Variants in CBLC observed in about 807,000 individuals in gnomAD.
CBLC encodes the protein E3 ubiquitin-protein ligase CBL-C.
CBLC carries 46 observed loss-of-function variants against 58.6 expected under a neutral mutation model. That is an observed-to-expected ratio of 0.79 (90% CI 0.62 to 1.00). CBLC has a LOEUF of 1.00. Ranked by LOEUF, CBLC falls within the 50% of genes least tolerant of loss-of-function variation. The pLI, the probability that CBLC is intolerant of heterozygous loss-of-function variation, is 0.00. For synonymous variants in CBLC, 271 were observed against 264.2 expected, an observed-to-expected ratio of 1.03 and a Z score of -0.25; for missense variants, 655 against 625.8, an observed-to-expected ratio of 1.05 and a Z score of -0.50.
At chr19:44,782,760 C>A (rs1363851754) in intron 4 of CBLC, among the ~76,000 whole-genome samples, 1 of 152,278 alleles carries the variant, frequency 6.6e-6, no homozygotes, top group Non-Finnish European at 1.5e-5. Context: ...AGGGTAAGGT[C>A]CGTTTCTGGT....
At chr19:44,792,585 T>A in intron 7 of CBLC, 71 bp downstream of exon 7, 1 of 1,416,254 alleles carries the variant, frequency 7.1e-7, no homozygotes, top group Non-Finnish European at 9.3e-7. Context: ...CAAAAGGATC[T>A]CCATGCCTCA....
rs771809408 is a variant in CBLC at position 44,794,497 on chromosome 19, TTC to T, written c.1362+218_1362+219del. ...TTTTTTTTTTTGAGACGGAATCTTG[TTC>T]TGTCGCTCAGGCTGGAGTGCAGTGG... On this transcript the variant is annotated intron_variant, in intron 9 of 10. Transcript: ENST00000647358. 7.5e-4 allele frequency among the ~76,000 whole-genome samples: 111 copies of T among 147,806 alleles called. 1 individual carries two copies. The highest frequency in any genetic ancestry group is 1.1e-3 in the Non-Finnish European group (74 of 66,844).
intron 7 of CBLC, 36 bp from the exon 8 acceptor site, chr19:44,793,438 G>T: frequency 6.4e-7 from 1 of 1,566,846 alleles, no homozygotes. Flanking sequence ...TGGAGAGCAG[G>T]GGAGCACTGA....
At chr19:44,789,343 T>C (rs1967988248) in intron 5 of CBLC, among the ~76,000 whole-genome samples, 1 of 152,132 alleles carries the variant, frequency 6.6e-6, no homozygotes, top group African/African-American at 2.4e-5. Flanking sequence ...TCTGTGACAC[T>C]AAAATCTGTT....
intron 5 of CBLC, among the ~76,000 whole-genome samples, chr19:44,787,276 C>T (rs1180396342): frequency 1.3e-5 from 2 of 151,356 alleles, no homozygotes; most frequent in Non-Finnish European, 2.9e-5. Flanking sequence ...CGTCTGTAGT[C>T]CCAGCTACTC....
rs374104325 is a variant in CBLC at position 44,793,459 on chromosome 19, C to G, written c.1138-15C>G. The stretch of plus-strand genomic sequence containing the variant: ...GCAGGGGAGCACTGACCCTTTCCCT[C>G]CCGACCTCCCCCAGCACTCGGACAG... On this transcript the variant is annotated splice_polypyrimidine_tract_variant and intron_variant, in intron 7 of 10. Coordinates refer to ENST00000647358, the MANE Select transcript of CBLC (RefSeq NM_012116.4). 49 of 1,595,058 alleles carry G rather than the reference C, an allele frequency of 3.1e-5. No homozygotes were observed. The highest frequency in any genetic ancestry group is 6.8e-6 in the Non-Finnish European group (8 of 1,172,402).
intron 8 of CBLC, 196 bp from the exon 9 acceptor site, chr19:44,794,008 T>C: frequency 2.2e-6 from 1 of 451,404 alleles, no homozygotes; most frequent in Non-Finnish European, 2.9e-6. Flanking sequence ...AGGGAACTGG[T>C]CTTTTGCTTC....
At chr19:44,791,314 A>T (rs1471532304) in intron 6 of CBLC, among the ~76,000 whole-genome samples, 1 of 151,750 alleles carries the variant, frequency 6.6e-6, no homozygotes, top group East Asian at 1.9e-4. Flanking sequence ...CCGCAAAAAA[A>T]AAAAAAAAGA....
chr19:44,799,420 C>T (rs1968241732), intron 9 of CBLC, among the ~76,000 whole-genome samples: 1 of 152,182 alleles, frequency 6.6e-6, no homozygotes, highest in South Asian at 2.1e-4. Flanking sequence ...GCAATCCCCA[C>T]CTCCTGGGTT....
At position 44,791,640 on chromosome 19, in the gene CBLC, C is replaced by G. The variant is rs1393108029; in HGVS notation, c.1006-743C>G. ...CCCAGCTACTCAGGAGGCTGAGGCA[C>G]AAGAATCGCTTGAACCTGGAGGCAA... is the stretch of plus-strand genomic sequence containing the variant. On this transcript the variant is annotated intron_variant, in intron 6 of 10. Coordinates refer to ENST00000647358, the MANE Select transcript of CBLC (RefSeq NM_012116.4). Among the ~76,000 whole-genome samples, 3 of 148,516 alleles carry G rather than the reference C, an allele frequency of 2.0e-5. No individual in the cohort carries two copies. In the Admixed American group the frequency reaches 2.1e-4, roughly 10 times the overall value.
At chr19:44,785,614 T>A (rs1967883489) in intron 5 of CBLC, among the ~76,000 whole-genome samples, 1 of 151,958 alleles carries the variant, frequency 6.6e-6, no homozygotes, top group African/African-American at 2.4e-5. Flanking sequence ...TTGCAATAAT[T>A]ATTATTAATT....
rs1402301993 is a variant in CBLC at position 44,794,074 on chromosome 19, G to A, written c.1285-130G>A. 8 of 1,450,590 alleles carry A rather than the reference G, an allele frequency of 5.5e-6. No individual in the cohort carries two copies. In the East Asian group the frequency reaches 1.3e-4, roughly 23 times the overall value. 89.9% of individuals were successfully genotyped at this position (1,450,590 alleles called of 1,614,324 possible). On this transcript the variant is annotated intron_variant, in intron 8 of 10. Transcript: ENST00000647358. ...CTGTAACCCTCCTAAGTGTTCATAC[G>A]TTGTCTTGGTCTCTGTTATATCTTG... is the stretch of plus-strand genomic sequence containing the variant.
At chr19:44,786,433 C>T (rs1414101572) in intron 5 of CBLC, among the ~76,000 whole-genome samples, 2 of 150,566 alleles carry the variant, frequency 1.3e-5, no homozygotes, top group Admixed American at 1.3e-4. Context: ...CTACTAAAAA[C>T]ACACAAAAAA....
intron 8 of CBLC, 130 bp downstream of exon 8, chr19:44,793,750 G>A: frequency 1.1e-6 from 1 of 873,436 alleles, no homozygotes; most frequent in Non-Finnish European, 1.7e-6. Flanking sequence ...AGGGAAGAGG[G>A]GTTGGAGCCT....
intron 9 of CBLC, among the ~76,000 whole-genome samples, chr19:44,795,762 T>C (rs1218281008): frequency 6.6e-6 from 1 of 152,136 alleles, no homozygotes; most frequent in Non-Finnish European, 1.5e-5. Context: ...CACTGTCAGG[T>C]TGCAACCTTC....
At chr19:44,786,827 G>C (rs369765779) in intron 5 of CBLC, among the ~76,000 whole-genome samples, 1 of 152,074 alleles carries the variant, frequency 6.6e-6, no homozygotes, top group Non-Finnish European at 1.5e-5. Flanking sequence ...ATCAGAGGCC[G>C]GGCATGGTGG....
chr19:44,799,673 A>G (rs566375918), intron 9 of CBLC, among the ~76,000 whole-genome samples: 234 of 150,224 alleles, frequency 1.6e-3, no homozygotes, highest in African/African-American at 5.4e-3. Flanking sequence ...GTTGTTTTTA[A>G]AAAAGAAAGA....
chr19:44,784,311 G>A lies in CBLC; in HGVS notation c.827G>A (p.Gly276Asp). ...ACTCGCCTGGGGCAGTGGGCCATCG[G>A]CTATGTGAGCTCAGATGGCAGCATC... ...SCTRLGQWAI[G>D]YVSSDGSILQ... Residue 276 changes from glycine (G) to aspartate (D), a missense_variant, in exon 5 of 11, where the codon GGC becomes GAC. Transcript: ENST00000647358. 4 of 1,599,482 alleles carry A rather than the reference G, an allele frequency of 2.5e-6. No individual in the cohort carries two copies. The highest frequency in any genetic ancestry group is 3.4e-6 in the Non-Finnish European group (4 of 1,168,390).
At chr19:44,790,850 C>A (rs1195938075) in intron 6 of CBLC, among the ~76,000 whole-genome samples, 1 of 152,094 alleles carries the variant, frequency 6.6e-6, no homozygotes, top group Non-Finnish European at 1.5e-5. Context: ...GCCACCGCAC[C>A]CATAATCCCA....
Sources: allele counts gnomAD v4.1 joint callset (sites outside exome capture counted in the v4.1 genomes callset), GRCh38; gene constraint gnomAD v4.1.1; transcripts MANE v1.5; gene names NCBI Gene and HGNC (gene_info 2026-07-23, HGNC 2026-07-21).